LHFPL6: variants seen among roughly 807,000 people sequenced by gnomAD.
The protein encoded by LHFPL6 is LHFPL tetraspan subfamily member 6 protein.
LHFPL6 carries 9 observed loss-of-function variants against 20.6 expected under a neutral mutation model. The ratio of observed to expected loss-of-function variants is 0.44; its 90% confidence interval spans 0.26 to 0.76. The LOEUF is 0.76. Ranked by LOEUF, LHFPL6 falls within the 30% of genes least tolerant of loss-of-function variation. LHFPL6 has a pLI of 0.20. For synonymous variants in LHFPL6, 105 were observed against 98.7 expected (o/e 1.06, Z -0.38); for missense variants, 218 against 253.5 (o/e 0.86, Z 0.95).
At chr13:39,486,507 C>A (rs534713731) in intron 2 of LHFPL6, among the ~76,000 whole-genome samples, 1 of 152,126 alleles carries the variant, frequency 6.6e-6, no homozygotes, top group Non-Finnish European at 1.5e-5. Context: ...ATATTTGAGG[C>A]AAATAGTGGT....
chr13:39,414,519 G>C (rs1359300439), intron 2 of LHFPL6, among the ~76,000 whole-genome samples: 1 of 152,140 alleles, frequency 6.6e-6, no homozygotes, highest in Admixed American at 6.5e-5. Context: ...ATTTGGGCTG[G>C]AGTTGAGGTA....
At position 39,343,650 on chromosome 13, in the gene LHFPL6, T is replaced by TGTGTGTGTG; in HGVS notation, c.*285_*286insCACACACAC. ...GTGTGTGTGTGTGTGTGTGTGTGTGTTGTACATTAACAATACTCTGTGGAA... is the reference window on the plus strand; with the variant it reads ...GTGTGTGTGTGTGTGTGTGTGTGTGTGTGTGTGTGTGTACATTAACAATACTCTGTGGAA... On this transcript the variant is annotated 3_prime_UTR_variant, in exon 4 of 4. Transcript: ENST00000379589. The TGTGTGTGTG allele has an allele frequency of 3.3e-6, 1 of 299,572 alleles. No individual in the cohort carries two copies. 18.6% of individuals were successfully genotyped at this position (299,572 alleles called of 1,614,324 possible).
At chr13:39,578,187 G>C (rs556098311) in intron 2 of LHFPL6, among the ~76,000 whole-genome samples, 4 of 152,198 alleles carry the variant, frequency 2.6e-5, no homozygotes, top group African/African-American at 9.6e-5. Flanking sequence ...GAGCAACCAA[G>C]TTAGTTGTTA....
intron 2 of LHFPL6, among the ~76,000 whole-genome samples, chr13:39,534,301 C>T (rs1347594145): frequency 1.3e-5 from 2 of 151,970 alleles, no homozygotes; most frequent in African/African-American, 2.4e-5. Context: ...CTTGTTAATC[C>T]TCCTGCCCTC....
At chr13:39,561,674 C>T (rs2138520261) in intron 2 of LHFPL6, among the ~76,000 whole-genome samples, 1 of 152,258 alleles carries the variant, frequency 6.6e-6, no homozygotes, top group Non-Finnish European at 1.5e-5. Context: ...CCAGGCTGGT[C>T]TTGAACTCTT....
chr13:39,595,997 C>T (rs1872759702), intron 2 of LHFPL6, among the ~76,000 whole-genome samples: 1 of 152,154 alleles, frequency 6.6e-6, no homozygotes, highest in Non-Finnish European at 1.5e-5. Flanking sequence ...CAATTTCTTA[C>T]TGAAAATCCA....
intron 2 of LHFPL6, among the ~76,000 whole-genome samples, chr13:39,523,151 T>C (rs963754523): frequency 6.6e-6 from 1 of 152,228 alleles, no homozygotes; most frequent in Non-Finnish European, 1.5e-5. Flanking sequence ...TTACGACTGA[T>C]ACATGTAATG....
chr13:39,483,272 A>C (rs778165571), intron 2 of LHFPL6, among the ~76,000 whole-genome samples: 1 of 152,134 alleles, frequency 6.6e-6, no homozygotes, highest in Admixed American at 6.5e-5. Context: ...CCAGCTTTCT[A>C]GCTGTCAAAA....
intron 2 of LHFPL6, among the ~76,000 whole-genome samples, chr13:39,491,068 G>A (rs1868909512): frequency 1.3e-5 from 2 of 152,170 alleles, no homozygotes; most frequent in African/African-American, 4.8e-5. Context: ...ACAAAGATTT[G>A]TGAGTCTACC....
At chr13:39,552,213 A>C (rs991811516) in intron 2 of LHFPL6, among the ~76,000 whole-genome samples, 1 of 152,206 alleles carries the variant, frequency 6.6e-6, no homozygotes, top group Non-Finnish European at 1.5e-5. Context: ...CCCCAGTATC[A>C]ACAGGTCAGT....
chr13:39,545,570 C>A (rs922417997), intron 2 of LHFPL6, among the ~76,000 whole-genome samples: 20 of 151,988 alleles, frequency 1.3e-4, no homozygotes, highest in African/African-American at 4.8e-4. Flanking sequence ...TACAGTCATC[C>A]CTCCCCATCC....
chr13:39,576,508 A>T (rs1209093901), intron 2 of LHFPL6, among the ~76,000 whole-genome samples: 1 of 152,368 alleles, frequency 6.6e-6, no homozygotes, highest in East Asian at 1.9e-4. Flanking sequence ...CTTACTTCAC[A>T]AGCAAAAATA....
chr13:39,586,677 C>T (rs997437747), intron 2 of LHFPL6, among the ~76,000 whole-genome samples: 2 of 152,174 alleles, frequency 1.3e-5, no homozygotes, highest in African/African-American at 4.8e-5. Context: ...AAATCCTTTT[C>T]TTTCTATTCC....
chr13:39,521,712 C>T (rs1231837921), intron 2 of LHFPL6, among the ~76,000 whole-genome samples: 1 of 152,144 alleles, frequency 6.6e-6, no homozygotes, highest in East Asian at 1.9e-4. Context: ...GATAAAGAGT[C>T]ATTATCTATC....
chr13:39,601,636 A>C (rs528393509), intron 1 of LHFPL6, among the ~76,000 whole-genome samples: 1 of 152,320 alleles, frequency 6.6e-6, no homozygotes, highest in East Asian at 1.9e-4. Context: ...TACTTAAAGA[A>C]ACGCCCGATT....
intron 2 of LHFPL6, among the ~76,000 whole-genome samples, chr13:39,445,192 C>T (rs1168375648): frequency 6.6e-6 from 1 of 152,214 alleles, no homozygotes; most frequent in Non-Finnish European, 1.5e-5. Flanking sequence ...CAGTAAACTT[C>T]TATTGTTTAT....
At chr13:39,393,733 C>T (rs533946796) in intron 2 of LHFPL6, among the ~76,000 whole-genome samples, 5 of 152,266 alleles carry the variant, frequency 3.3e-5, no homozygotes, top group Non-Finnish European at 7.4e-5. Context: ...CTGGGTGGCT[C>T]AAACATTCAT....
intron 2 of LHFPL6, among the ~76,000 whole-genome samples, chr13:39,442,123 C>A (rs1328574469): frequency 6.6e-6 from 1 of 152,078 alleles, no homozygotes; most frequent in Non-Finnish European, 1.5e-5. Context: ...GCCACCGCCC[C>A]CAGCTGGCTA....
chr13:39,358,489 A>C (rs1187589862), intron 3 of LHFPL6, among the ~76,000 whole-genome samples: 2 of 152,210 alleles, frequency 1.3e-5, no homozygotes, highest in African/African-American at 4.8e-5. Flanking sequence ...GTGGGTAAAG[A>C]ATTTGTGGCT....
Sources: allele counts gnomAD v4.1 joint callset (sites outside exome capture counted in the v4.1 genomes callset), GRCh38; gene constraint gnomAD v4.1.1; transcripts MANE v1.5; gene names NCBI Gene and HGNC (gene_info 2026-07-23, HGNC 2026-07-21).